The following ATP2B2 variants were observed in gnomAD, a reference collection of about 807,000 sequenced individuals.
ATP2B2 encodes ATPase plasma membrane Ca2+ transporting 2.
ATP2B2 carries 15 observed loss-of-function variants against 120.0 expected under a neutral mutation model. That is an observed-to-expected ratio of 0.12 (90% CI 0.08 to 0.19). The LOEUF (loss-of-function observed/expected upper bound fraction) is 0.19, where lower values mean the gene tolerates loss of function less well. ATP2B2 is among the 10% of genes least tolerant of loss of function. The probability of loss-of-function intolerance (pLI) is 1.00; values close to 1 mark genes in which losing one functional copy is unlikely to be tolerated. For missense variants in ATP2B2, 1,045 were observed against 1,719.8 expected (o/e 0.61, Z 6.94); for synonymous variants, 694 against 700.3 (o/e 0.99, Z 0.14).
intron 12 of ATP2B2, among the ~76,000 whole-genome samples, chr3:10,370,942 T>C (rs1185160974): frequency 6.6e-6 from 1 of 152,224 alleles, no homozygotes. Context: ...ATGGTGAGTC[T>C]AGACAGCTTA....
At chr3:10,644,218 A>G (rs941142786) in intron 1 of ATP2B2, among the ~76,000 whole-genome samples, 16 of 152,204 alleles carry the variant, frequency 1.1e-4, no homozygotes, top group African/African-American at 3.4e-4. Context: ...TCAAAACCAC[A>G]ATGAGATCAC....
At chr3:10,501,657 C>T (rs1017216882) in intron 1 of ATP2B2, among the ~76,000 whole-genome samples, 3 of 152,022 alleles carry the variant, frequency 2.0e-5, no homozygotes, top group Non-Finnish European at 2.9e-5. Flanking sequence ...TCAGGAGGGC[C>T]TGATTTAGCT....
At chr3:10,368,938 G>C (rs1296219491) in intron 12 of ATP2B2, among the ~76,000 whole-genome samples, 1 of 152,154 alleles carries the variant, frequency 6.6e-6, no homozygotes, top group Non-Finnish European at 1.5e-5. Flanking sequence ...CTTCCCAAAA[G>C]TCTATCCAAG....
At chr3:10,395,982 C>T (rs73113637) in intron 5 of ATP2B2, among the ~76,000 whole-genome samples, 1,653 of 152,336 alleles carry the variant, frequency 0.011, 34 homozygotes, top group African/African-American at 0.037. Context: ...TCTGCCTGTC[C>T]GTCCCTGGAG....
chr3:10,594,541 G>A (rs2068717367), intron 2 of ATP2B2, among the ~76,000 whole-genome samples: 1 of 146,756 alleles, frequency 6.8e-6, no homozygotes, highest in African/African-American at 2.6e-5. Flanking sequence ...CACAGGAAGG[G>A]GGACATCACA....
intron 2 of ATP2B2, among the ~76,000 whole-genome samples, chr3:10,569,849 G>T (rs140518761): frequency 1.3e-5 from 2 of 152,292 alleles, no homozygotes; most frequent in African/African-American, 2.4e-5. Context: ...TCCCAGGCTT[G>T]CCTCCACCTA....
intron 14 of ATP2B2, among the ~76,000 whole-genome samples, chr3:10,357,572 C>T (rs1039828182): frequency 6.6e-6 from 1 of 152,110 alleles, no homozygotes; most frequent in African/African-American, 2.4e-5. Flanking sequence ...TGGCCAGAGA[C>T]CCCCAGAGAA....
chr3:10,361,056 CCT>C (rs59692971), intron 12 of ATP2B2, among the ~76,000 whole-genome samples: 1,866 of 152,300 alleles, frequency 0.012, 44 homozygotes, highest in African/African-American at 0.042. Context: ...GCAGAATCCC[CCT>C]GAGATCCAAG....
At chr3:10,655,880 C>T (rs1355275345) in intron 1 of ATP2B2, among the ~76,000 whole-genome samples, 1 of 152,218 alleles carries the variant, frequency 6.6e-6, no homozygotes, top group Non-Finnish European at 1.5e-5. Context: ...CGTGCCTCCT[C>T]CTTCTTCATC....
rs527328805 is a variant in ATP2B2, at chr3:10,654,927, T to G, written c.-459-34966A>C. On this transcript the variant is annotated intron_variant, in intron 1 of 21. Coordinates refer to the ATP2B2 transcript ENST00000646379. ...AGAAATACTATCGCAGTGACTGGTG[T>G]GTGGCCTCCTCATCTCCACATCACT... Among the ~76,000 whole-genome samples the G allele has an allele frequency of 1.8e-4, 28 of 152,298 alleles. 1 individual carries two copies. The South Asian group carries it at 5.6e-3, about 31-fold the overall frequency.
chr3:10,658,409 G>A (rs749254086), intron 1 of ATP2B2, among the ~76,000 whole-genome samples: 8 of 152,196 alleles, frequency 5.3e-5, no homozygotes, highest in Non-Finnish European at 1.2e-4. Context: ...ATGACCTGAT[G>A]GAGCTGAAAA....
intron 5 of ATP2B2, among the ~76,000 whole-genome samples, chr3:10,395,037 T>G (rs1011377313): frequency 6.6e-6 from 1 of 152,160 alleles, no homozygotes; most frequent in Non-Finnish European, 1.5e-5. Flanking sequence ...GGCCTTACAC[T>G]TCTGCTCTGG....
rs1249967855 is a variant in ATP2B2 at position 10,565,662 on chromosome 3, C to T, written c.-414-31529G>A. Among the ~76,000 whole-genome samples, 3 of 152,130 alleles carry T rather than the reference C, an allele frequency of 2.0e-5. No individual in the cohort carries two copies. The East Asian group carries it at 5.8e-4, about 29-fold the overall frequency. On this transcript the variant is annotated intron_variant, in intron 2 of 21. Coordinates refer to the ATP2B2 transcript ENST00000646379. ...GGGTCCTGTGGCATTCATAGTTGGT[C>T]TTCAATGTGGAGCCTCCAGTCTTCA...
intron 1 of ATP2B2, among the ~76,000 whole-genome samples, chr3:10,475,070 T>G (rs945315238): frequency 6.6e-6 from 1 of 152,178 alleles, no homozygotes; most frequent in African/African-American, 2.4e-5. Flanking sequence ...CTGAACAGAC[T>G]CAGAGGAAGG....
At chr3:10,593,920 A>G (rs1311652467) in intron 2 of ATP2B2, among the ~76,000 whole-genome samples, 2 of 152,240 alleles carry the variant, frequency 1.3e-5, no homozygotes, top group Non-Finnish European at 2.9e-5. Flanking sequence ...ATGAACAGAC[A>G]CTTCTCAAAA....
chr3:10,376,086 C>T (rs969967103), intron 10 of ATP2B2, among the ~76,000 whole-genome samples: 9 of 152,130 alleles, frequency 5.9e-5, no homozygotes, highest in Non-Finnish European at 1.0e-4. Flanking sequence ...CTTTTGAGCA[C>T]CTATGACACG....
intron 1 of ATP2B2, among the ~76,000 whole-genome samples, chr3:10,675,981 TC>T (rs1268739796): frequency 1.3e-5 from 2 of 152,192 alleles, no homozygotes; most frequent in Non-Finnish European, 2.9e-5. Flanking sequence ...TGCAAAGCTT[TC>T]CCTTTGTGAT....
intron 2 of ATP2B2, among the ~76,000 whole-genome samples, chr3:10,428,449 T>C (rs2063209968): frequency 6.6e-6 from 1 of 152,126 alleles, no homozygotes; most frequent in Non-Finnish European, 1.5e-5. Context: ...GTTCCGGGGA[T>C]CCTCTTGCCT....
At chr3:10,470,008 G>T (rs1467240031) in intron 1 of ATP2B2, among the ~76,000 whole-genome samples, 1 of 152,048 alleles carries the variant, frequency 6.6e-6, no homozygotes, top group South Asian at 2.1e-4. Context: ...CGCAGCCCCC[G>T]TGGGGGCTGC....
Sources: gnomAD v4.1 joint callset for allele counts (sites outside exome capture counted in the v4.1 genomes callset) on GRCh38, gnomAD v4.1.1 for gene constraint, MANE v1.5 for transcripts, NCBI Gene and HGNC (gene_info 2026-07-23, HGNC 2026-07-21) for gene names.